CAMK1D: variants seen among roughly 807,000 people sequenced by gnomAD.
CAMK1D encodes the protein calcium/calmodulin dependent protein kinase ID, also known as calcium/calmodulin-dependent protein kinase type 1D.
CAMK1D carries 9 observed loss-of-function variants against 47.7 expected under a neutral mutation model. The ratio of observed to expected loss-of-function variants is 0.19; its 90% CI spans 0.11 to 0.33. CAMK1D has a LOEUF of 0.33. Among genes scored for constraint, CAMK1D ranks in the 10% least tolerant of loss-of-function variants. The pLI, the probability that CAMK1D is intolerant of heterozygous loss-of-function variation, is 1.00. For synonymous variants in CAMK1D, 184 were observed against 184.9 expected (o/e 0.99, Z 0.04); for missense variants, 291 against 488.7 (o/e 0.60, Z 3.81).
intron 3 of CAMK1D, among the ~76,000 whole-genome samples, chr10:12,714,349 A>G (rs1011006335): frequency 6.6e-6 from 1 of 152,238 alleles, no homozygotes; most frequent in Admixed American, 6.5e-5. Context: ...ACATGCTCCC[A>G]GCCCAGAGAG....
intron 4 of CAMK1D, among the ~76,000 whole-genome samples, chr10:12,763,541 G>T (rs948449180): frequency 6.6e-6 from 1 of 152,168 alleles, no homozygotes; most frequent in African/African-American, 2.4e-5. Flanking sequence ...TGCACCATTG[G>T]CATTCAGCCC....
Position 12,388,724 on chromosome 10 carries a change from G to A in CAMK1D, c.92+38814G>A, listed in dbSNP as rs558423339. ...TTCTGCGGGGCTCAAAGACAGCTCC[G>A]TCATTACCTGGGGCTAGAGGCTCCA... On this transcript the variant is annotated intron_variant, in intron 1 of 10. Transcript: ENST00000619168. Among the ~76,000 whole-genome samples, 14 of 152,252 alleles carry A rather than the reference G, an allele frequency of 9.2e-5. 1 individual carries two copies. The East Asian group carries it at 1.9e-3, about 21-fold the overall frequency.
At position 12,725,701 on chromosome 10, in the gene CAMK1D, G is replaced by A. The variant is rs555068657; in HGVS notation, c.300-35247G>A. Among the ~76,000 whole-genome samples, 12 of 152,288 alleles carry A rather than the reference G, an allele frequency of 7.9e-5. No homozygotes were observed. The East Asian group carries it at 1.7e-3, about 22-fold the overall frequency. ...TGCTTCTGTGGGAGAAGGAATGCAC[G>A]GGATTCCAAAACTGGTCATGTTCGT... On this transcript the variant is annotated intron_variant, in intron 3 of 10. Coordinates refer to ENST00000619168, the MANE Select transcript of CAMK1D (RefSeq NM_153498.4).
chr10:12,647,145 C>CTTTTTTT lies in CAMK1D; in HGVS notation c.225-19575_225-19569dup, dbSNP rs397693477. Among the ~76,000 whole-genome samples, 23 of 76,824 alleles carry CTTTTTTT rather than the reference C, an allele frequency of 3.0e-4. 2 individuals carry two copies. The highest frequency in any genetic ancestry group is 1.3e-3 in the South Asian group (2 of 1,550). 50.4% of individuals were successfully genotyped at this position (76,824 alleles called of 152,430 possible). On this transcript the variant is annotated intron_variant, in intron 2 of 10. Coordinates refer to ENST00000619168, the MANE Select transcript of CAMK1D (RefSeq NM_153498.4). ...CGTGAGCCTCCTTGCCCAGGCTAGC[C>CTTTTTTT]TTTTTTTTTTTTTTTTTTTTTTGAA...
At chr10:12,406,800 A>G (rs1467744716) in intron 1 of CAMK1D, among the ~76,000 whole-genome samples, 3 of 147,330 alleles carry the variant, frequency 2.0e-5, no homozygotes, top group African/African-American at 7.5e-5. Context: ...CTCCCTGGGC[A>G]TCCTCCATTG....
chr10:12,411,984 C>T (rs557253098), intron 1 of CAMK1D, among the ~76,000 whole-genome samples: 10 of 152,342 alleles, frequency 6.6e-5, no homozygotes, highest in South Asian at 2.1e-4. Context: ...ATAGAACATC[C>T]GCTGATGTCT....
At chr10:12,746,211 A>C (rs1564531849) in intron 3 of CAMK1D, among the ~76,000 whole-genome samples, 1 of 151,860 alleles carries the variant, frequency 6.6e-6, no homozygotes, top group Non-Finnish European at 1.5e-5. Flanking sequence ...AAAAAAACAA[A>C]AAATTAGCTG....
chr10:12,595,574 C>CA (rs1183934903), intron 2 of CAMK1D, among the ~76,000 whole-genome samples: 1 of 151,886 alleles, frequency 6.6e-6, no homozygotes, highest in Non-Finnish European at 1.5e-5. Context: ...TGTATCTTTG[C>CA]ATTTGCGTTT....
intron 1 of CAMK1D, among the ~76,000 whole-genome samples, chr10:12,489,571 G>C (rs1834318338): frequency 6.6e-6 from 1 of 152,190 alleles, no homozygotes; most frequent in Non-Finnish European, 1.5e-5. Context: ...GGGTGGCCTT[G>C]GGAGGAGGGA....
chr10:12,378,102 C>T (rs1280832967), intron 1 of CAMK1D, among the ~76,000 whole-genome samples: 1 of 152,242 alleles, frequency 6.6e-6, no homozygotes, highest in Non-Finnish European at 1.5e-5. Flanking sequence ...AGTATGACCT[C>T]TGGGGGACTA....
chr10:12,806,514 A>G (rs909887859), intron 6 of CAMK1D, among the ~76,000 whole-genome samples: 4 of 152,106 alleles, frequency 2.6e-5, no homozygotes, highest in African/African-American at 9.7e-5. Flanking sequence ...CCTGCTCCAT[A>G]GCGTCCAGCC....
intron 1 of CAMK1D, among the ~76,000 whole-genome samples, chr10:12,510,153 G>A (rs150028340): frequency 0.019 from 2,854 of 152,306 alleles, 56 homozygotes; most frequent in Non-Finnish European, 0.029. Flanking sequence ...GGTTGCTCCC[G>A]TCTGTAATCC....
At chr10:12,631,840 A>G (rs1839388155) in intron 2 of CAMK1D, among the ~76,000 whole-genome samples, 1 of 152,230 alleles carries the variant, frequency 6.6e-6, no homozygotes. Context: ...ATGACAGGAT[A>G]GAGCGTGAGG....
intron 3 of CAMK1D, among the ~76,000 whole-genome samples, chr10:12,751,495 G>A (rs945825489): frequency 6.6e-6 from 1 of 152,184 alleles, no homozygotes; most frequent in African/African-American, 2.4e-5. Context: ...GGTAAACAGC[G>A]GTAAATGAGG....
chr10:12,820,960 A>C (rs1167367650), intron 8 of CAMK1D, among the ~76,000 whole-genome samples: 3 of 152,202 alleles, frequency 2.0e-5, no homozygotes, highest in Admixed American at 6.5e-5. Context: ...CTGAGCATTC[A>C]TCTCTAGGCT....
At chr10:12,745,806 G>A (rs1277514224) in intron 3 of CAMK1D, among the ~76,000 whole-genome samples, 1 of 152,064 alleles carries the variant, frequency 6.6e-6, no homozygotes, top group Non-Finnish European at 1.5e-5. Flanking sequence ...ATTTCACCAT[G>A]TTGGCCAGGC....
At chr10:12,771,219 C>T (rs761220772) in intron 5 of CAMK1D, among the ~76,000 whole-genome samples, 3 of 152,176 alleles carry the variant, frequency 2.0e-5, no homozygotes, top group African/African-American at 4.8e-5. Flanking sequence ...CATGAGCCGC[C>T]GCGCCTGAGT....
intron 1 of CAMK1D, among the ~76,000 whole-genome samples, chr10:12,384,086 G>A (rs1838421886): frequency 6.6e-6 from 1 of 152,130 alleles, no homozygotes. Context: ...AAGAAATTAA[G>A]AGAACAATCT....
intron 2 of CAMK1D, among the ~76,000 whole-genome samples, chr10:12,639,099 T>A (rs1185990396): frequency 6.6e-6 from 1 of 152,244 alleles, no homozygotes. Flanking sequence ...TGTGAATTCA[T>A]TCAGTGGGCA....
Sources: gnomAD v4.1 joint callset for allele counts (sites outside exome capture counted in the v4.1 genomes callset) on GRCh38, gnomAD v4.1.1 for gene constraint, MANE v1.5 for transcripts, NCBI Gene and HGNC (gene_info 2026-07-23, HGNC 2026-07-21) for gene names.